The following MTOR variants were observed in gnomAD, a reference collection of about 807,000 sequenced individuals.
MTOR encodes mechanistic target of rapamycin kinase.
MTOR carries 70 observed loss-of-function variants against 319.8 expected under a neutral mutation model. The observed-to-expected ratio is 0.22, with a 90% CI of 0.18 to 0.27. MTOR has a LOEUF of 0.27. Ranked by LOEUF, MTOR falls within the 10% of genes least tolerant of loss-of-function variation. MTOR has a pLI of 1.00. For synonymous variants in MTOR, 1,183 were observed against 1,211.4 expected (o/e 0.98, Z 0.49); for missense variants, 1,890 against 3,274.4 (o/e 0.58, Z 10.32).
At chr1:11,125,536 G>A (rs1642781581) in intron 46 of MTOR, among the ~76,000 whole-genome samples, 1 of 151,828 alleles carries the variant, frequency 6.6e-6, no homozygotes, top group South Asian at 2.1e-4. Context: ...TTTGAGACCA[G>A]CCTGGCCAAC....
chr1:11,126,850 C>G (rs879095504), intron 45 of MTOR, 54 bp from the exon 46 acceptor site: 7 of 1,591,024 alleles, frequency 4.4e-6, no homozygotes, highest in Non-Finnish European at 6.0e-6. Context: ...AGAATTTAAA[C>G]GCAATTTAAG....
Position 11,139,623 on chromosome 1 carries a change from G to A in MTOR, c.4908C>T (p.Ile1636=), listed in dbSNP as rs138256812. The stretch of plus-strand genomic sequence containing the variant: ...TGACCACAAGGGACCGCACCATAAG[G>A]ATTTTCTGCCAGTCCTCTACGATAC... ...CQRIVEDWQK[I]LMVRSLVVSP... Residue 1636 remains isoleucine (I), a synonymous_variant, in exon 35 of 58, where the codon ATC becomes ATT. Coordinates refer to ENST00000361445, the MANE Select transcript of MTOR (RefSeq NM_004958.4). 5.1e-4 allele frequency: 827 copies of A among 1,614,024 alleles called. No homozygotes were observed. Among genetic ancestry groups the A allele is most frequent in the Non-Finnish European group, 6.4e-4 (759 of 1,180,034 alleles).
rs1353883183 is a variant in MTOR at position 11,228,933 on chromosome 1, CAG to C, written c.2780-17_2780-16del. The stretch of plus-strand genomic sequence containing the variant: ...GCTATAGTCAGCTAGGACAAAACAA[CAG>C]AGAGTGTTAGAGCTACACATGGCAT... On this transcript the variant is annotated splice_polypyrimidine_tract_variant and intron_variant, in intron 18 of 57. Transcript: ENST00000361445. 5 of 1,613,440 alleles carry C rather than the reference CAG, an allele frequency of 3.1e-6. No homozygotes were observed. Among genetic ancestry groups the C allele is most frequent in the East Asian group, 2.2e-5 (1 of 44,886 alleles).
At position 11,106,914 on chromosome 1, in the gene MTOR, T is replaced by A. The variant is rs747196946; in HGVS notation, c.*571A>T. ...GCGTGTGAGTCGCAGCATCACTGGG[T>A]CTGATGGAAGACAGACCTTTTGTAC... On this transcript the variant is annotated 3_prime_UTR_variant, in exon 58 of 58. Transcript: ENST00000361445. 2.0e-5 allele frequency: 27 copies of A among 1,367,982 alleles called. 1 individual carries two copies. In the South Asian group the frequency reaches 3.3e-4, roughly 17 times the overall value. 84.7% of individuals were successfully genotyped at this position (1,367,982 alleles called of 1,614,324 possible). A position where few individuals can be genotyped will look rare whatever the true frequency, so the allele number is the denominator to read the frequency against.
chr1:11,194,729 T>C, intron 28 of MTOR: 1 of 1,607,822 alleles, frequency 6.2e-7, no homozygotes, highest in African/African-American at 1.3e-5. Context: ...GGAGAAAGAG[T>C]GAATTATAAC....
intron 28 of MTOR, among the ~76,000 whole-genome samples, chr1:11,181,297 G>T (rs934569701): frequency 6.6e-6 from 1 of 152,104 alleles, no homozygotes; most frequent in Non-Finnish European, 1.5e-5. Context: ...GACACAGCCT[G>T]GTGATGTCTA....
intron 30 of MTOR, among the ~76,000 whole-genome samples, chr1:11,156,047 G>C (rs1327377337): frequency 1.3e-5 from 2 of 152,142 alleles, no homozygotes; most frequent in African/African-American, 4.8e-5. Context: ...CTGGAGTGCA[G>C]TGGTGCAATC....
chr1:11,194,910 C>T (rs1645722343), intron 28 of MTOR: 1 of 1,614,054 alleles, frequency 6.2e-7, no homozygotes. Flanking sequence ...GTACTACCGC[C>T]TGGGTGAGCA....
At chr1:11,131,329 G>A (rs74867091) in intron 38 of MTOR, 2,534 of 159,030 alleles carry the variant, frequency 0.016, 74 homozygotes, top group African/African-American at 0.058. Flanking sequence ...GGCGAGGAGT[G>A]AGAGCGAGGC....
Position 11,139,287 on chromosome 1 carries a change from T to C in MTOR, c.5130+17A>G, listed in dbSNP as rs1643575547. 18 of 1,593,602 alleles carry C rather than the reference T, an allele frequency of 1.1e-5. No individual in the cohort carries two copies. Among genetic ancestry groups the C allele is most frequent in the Non-Finnish European group, 1.5e-5 (18 of 1,174,488 alleles). On this transcript the variant is annotated intron_variant, in intron 36 of 57. Coordinates refer to ENST00000361445, the MANE Select transcript of MTOR (RefSeq NM_004958.4). The stretch of plus-strand genomic sequence containing the variant: ...TCTGGAGAAGGTGGTCTGTTCTGGA[T>C]GCATTGGGATACAGACCTTGCGGGC...
intron 54 of MTOR, chr1:11,111,273 G>A: frequency 2.5e-6 from 1 of 401,052 alleles, no homozygotes; most frequent in Non-Finnish European, 4.9e-6. Context: ...GAGGTCAGGA[G>A]TTCGAAACCA....
rs1323881530 is a variant in MTOR at position 11,144,760 on chromosome 1, T to C, written c.4765-5A>G. ...CATGTGGCAAGAAACCATGGCCTGATGGAAGCAAATCGCATTCCAAACTAA... is the reference window on the plus strand; with the variant it reads ...CATGTGGCAAGAAACCATGGCCTGACGGAAGCAAATCGCATTCCAAACTAA... On this transcript the variant is annotated splice_polypyrimidine_tract_variant and splice_region_variant and intron_variant, in intron 33 of 57. Transcript: ENST00000361445. 2 of 1,611,676 alleles carry C rather than the reference T, an allele frequency of 1.2e-6. No homozygotes were observed. Among genetic ancestry groups the C allele is most frequent in the Non-Finnish European group, 1.7e-6 (2 of 1,179,696 alleles).
At chr1:11,217,817 G>A (rs992558628) in intron 19 of MTOR, among the ~76,000 whole-genome samples, 33 of 151,666 alleles carry the variant, frequency 2.2e-4, no homozygotes, top group African/African-American at 7.8e-4. Context: ...CATGCAAGTC[G>A]GGTAAGTTGG....
At chr1:11,224,558 G>A (rs903033713) in intron 19 of MTOR, among the ~76,000 whole-genome samples, 3 of 152,050 alleles carry the variant, frequency 2.0e-5, no homozygotes, top group East Asian at 1.9e-4. Context: ...AACACAATAA[G>A]TAATAAATTC....
At chr1:11,166,333 T>C (rs1179538528) in intron 29 of MTOR, among the ~76,000 whole-genome samples, 5 of 152,152 alleles carry the variant, frequency 3.3e-5, no homozygotes, top group African/African-American at 1.2e-4. Context: ...GAGAAAATTT[T>C]TGCAATCTAC....
Position 11,127,925 on chromosome 1 carries a change from G to GAGGA in MTOR, c.6033+75_6033+78dup. 2 of 1,593,978 alleles carry GAGGA rather than the reference G, an allele frequency of 1.3e-6. No individual in the cohort carries two copies. Among genetic ancestry groups the GAGGA allele is most frequent in the Non-Finnish European group, 1.7e-6 (2 of 1,171,400 alleles). ...CAGAGGAAGTGCACAGCACCAATGC[G>GAGGA]AGGAAGAAAAACAATCCCACTTGCG... is the stretch of plus-strand genomic sequence containing the variant. On this transcript the variant is annotated intron_variant, in intron 43 of 57. Transcript: ENST00000361445. The surrounding 1 kb of genome is among the most constrained non-coding windows in gnomAD (Gnocchi z 5.5).
rs1646514263 is a variant in MTOR at position 11,217,605 on chromosome 1, G to A, written c.3031-1371C>T. Among the ~76,000 whole-genome samples the A allele has an allele frequency of 1.1e-4, 17 of 150,650 alleles. No homozygotes were observed. The South Asian group carries it at 3.6e-3, about 32-fold the overall frequency. Reference sequence around the variant, plus strand: ...TTTGTATTTTTTTAGTAGAGACAGGGTTTCACCGTGTTAGCCAGGATGGTC... The same window carrying A: ...TTTGTATTTTTTTAGTAGAGACAGGATTTCACCGTGTTAGCCAGGATGGTC... On this transcript the variant is annotated intron_variant, in intron 19 of 57. Transcript: ENST00000361445.
chr1:11,127,306 C>A lies in MTOR; in HGVS notation c.6217-162G>T, dbSNP rs1243826310. ...AAGAGCATAGGTGCAGGCCTCCAAC[C>A]CTGGAGCTTCCAAACCAGCAGCATG... On this transcript the variant is annotated intron_variant, in intron 44 of 57. Transcript: ENST00000361445. This position sits in a 1 kb window ranked among gnomAD's most constrained non-coding sequence, Gnocchi z 5.5. Among the ~76,000 whole-genome samples the A allele has an allele frequency of 6.6e-6, 1 of 152,182 alleles. No homozygotes were observed. Among genetic ancestry groups the A allele is most frequent in the Non-Finnish European group, 1.5e-5 (1 of 68,040 alleles).
chr1:11,118,741 C>T (rs1054238116), intron 49 of MTOR, among the ~76,000 whole-genome samples: 1 of 151,926 alleles, frequency 6.6e-6, no homozygotes, highest in Non-Finnish European at 1.5e-5. Context: ...ATCCTCCCGC[C>T]ACATCCTCCT....
Sources: allele counts gnomAD v4.1 joint callset (sites outside exome capture counted in the v4.1 genomes callset), GRCh38; gene constraint gnomAD v4.1.1; non-coding constraint Gnocchi (gnomAD v3.1); transcripts MANE v1.5; gene names NCBI Gene and HGNC (gene_info 2026-07-23, HGNC 2026-07-21).